The following ASIC5 variants were observed in gnomAD, a reference collection of about 807,000 sequenced individuals.
ASIC5 encodes the protein acid sensing ion channel subunit family member 5.
Under a neutral mutation model 51.2 loss-of-function variants are expected in ASIC5, and 52 were observed. The observed-to-expected ratio is 1.02, with a 90% CI of 0.81 to 1.28. The LOEUF is 1.28. Ranked by LOEUF, ASIC5 falls within the 50% of genes most tolerant of loss-of-function variation. ASIC5 has a pLI of 0.00. For synonymous variants in ASIC5, 231 were observed against 200.7 expected, an observed-to-expected ratio of 1.15 and a Z score of -1.28; for missense variants, 635 against 595.0, an observed-to-expected ratio of 1.07 and a Z score of -0.70.
chr4:155,834,792 A>T (rs1405969532), intron 8 of ASIC5, among the ~76,000 whole-genome samples: 1 of 151,994 alleles, frequency 6.6e-6, no homozygotes, highest in Non-Finnish European at 1.5e-5. Context: ...CCCAAACCCC[A>T]AGCTCCAGAA....
chr4:155,862,037 AG>A (rs1741720704), intron 2 of ASIC5, among the ~76,000 whole-genome samples: 3 of 152,158 alleles, frequency 2.0e-5, no homozygotes, highest in Admixed American at 2.0e-4. Flanking sequence ...TTTTTTCACC[AG>A]TTATGGTTGG....
chr4:155,851,783 C>T (rs1442695768), intron 4 of ASIC5, among the ~76,000 whole-genome samples: 1 of 151,956 alleles, frequency 6.6e-6, no homozygotes, highest in Non-Finnish European at 1.5e-5. Context: ...TCCAGATATG[C>T]ATTCTATAGT....
At chr4:155,853,980 T>A in intron 3 of ASIC5, 97 bp downstream of exon 3, 2 of 918,124 alleles carry the variant, frequency 2.2e-6, no homozygotes, top group Non-Finnish European at 3.4e-6. Context: ...TTTGGATTGA[T>A]TCACCATGGG....
chr4:155,833,581 T>C (rs1157620460), intron 8 of ASIC5, among the ~76,000 whole-genome samples: 1 of 152,190 alleles, frequency 6.6e-6, no homozygotes, highest in Non-Finnish European at 1.5e-5. Flanking sequence ...CCCAAAGTAA[T>C]GGAAAAATAA....
intron 1 of ASIC5, among the ~76,000 whole-genome samples, chr4:155,865,510 G>A (rs1490172038): frequency 6.6e-6 from 1 of 152,110 alleles, no homozygotes; most frequent in Non-Finnish European, 1.5e-5. Flanking sequence ...GAAGACTAAT[G>A]TAGTAACTAG....
chr4:155,861,386 CTT>C (rs796208566), intron 2 of ASIC5, among the ~76,000 whole-genome samples: 4 of 152,078 alleles, frequency 2.6e-5, no homozygotes, highest in East Asian at 1.9e-4. Context: ...TATAGGTTAA[CTT>C]ATATCTCCTG....
At chr4:155,835,412 GAA>G (rs11304781) in intron 8 of ASIC5, among the ~76,000 whole-genome samples, 11,955 of 139,052 alleles carry the variant, frequency 0.086, 590 homozygotes, top group South Asian at 0.17. Context: ...CTGAGTTTTG[GAA>G]AAAAAAAAAA....
intron 2 of ASIC5, among the ~76,000 whole-genome samples, chr4:155,861,289 A>T (rs1741699547): frequency 6.6e-6 from 1 of 151,890 alleles, no homozygotes; most frequent in African/African-American, 2.4e-5. Flanking sequence ...AAGATGTTTA[A>T]GTCTTCTGTG....
intron 8 of ASIC5, among the ~76,000 whole-genome samples, chr4:155,833,124 C>T (rs1029353064): frequency 3.9e-5 from 6 of 152,082 alleles, no homozygotes; most frequent in Admixed American, 1.3e-4. Context: ...TCTCTAATAC[C>T]TAGACGACTC....
chr4:155,856,376 T>C (rs985335), intron 2 of ASIC5, among the ~76,000 whole-genome samples: 18,118 of 152,122 alleles, frequency 0.12, 1,307 homozygotes, highest in Non-Finnish European at 0.16. Flanking sequence ...AGGTAGGGCA[T>C]ACACAAAACA....
intron 1 of ASIC5, chr4:155,864,820 T>C (rs1579304209): frequency 6.6e-6 from 1 of 152,124 alleles, no homozygotes; most frequent in Admixed American, 6.6e-5. Flanking sequence ...ATGTGGTAAA[T>C]AGTAAAATAT....
intron 2 of ASIC5, among the ~76,000 whole-genome samples, chr4:155,861,677 G>T (rs988149787): frequency 2.0e-5 from 3 of 151,924 alleles, no homozygotes; most frequent in African/African-American, 7.2e-5. Flanking sequence ...AATTTCATTA[G>T]TAATATAGTT....
intron 6 of ASIC5, among the ~76,000 whole-genome samples, chr4:155,839,337 C>T (rs985291180): frequency 1.6e-4 from 16 of 103,020 alleles, no homozygotes; most frequent in African/African-American, 5.6e-4. Context: ...ATCCTGCTCC[C>T]TCTATCCATT....
In ASIC5 at chr4:155,836,806, C is replaced by A. The variant is rs142346233; in HGVS notation, c.1118G>T (p.Cys373Phe). ...LCTVGTHNSS[C>F]PVSCEEIEYP... ...TTCTATTTCTTCACAAGAAACGGGGCAGCTAGAGTTATGTGTTCCTACTGT... is the reference window on the plus strand; with the variant it reads ...TTCTATTTCTTCACAAGAAACGGGGAAGCTAGAGTTATGTGTTCCTACTGT... The change falls in exon 8 of 10, where the codon TGC becomes TTC. Residue 373 changes from cysteine to phenylalanine, a missense_variant. Coordinates refer to ENST00000537611, the MANE Select transcript of ASIC5 (RefSeq NM_017419.3). 1 of 1,609,342 alleles carries A rather than the reference C, an allele frequency of 6.2e-7. No homozygotes were observed. The highest frequency in any genetic ancestry group is 2.2e-5 in the East Asian group (1 of 44,782).
At chr4:155,847,041 T>G (rs562234704) in intron 4 of ASIC5, among the ~76,000 whole-genome samples, 3 of 152,160 alleles carry the variant, frequency 2.0e-5, no homozygotes, top group African/African-American at 7.2e-5. Context: ...ATGGTAAATT[T>G]AGTCCTAAAA....
chr4:155,863,832 A>G (rs1419621768), intron 1 of ASIC5, 78 bp from the exon 2 acceptor site: 5 of 1,169,822 alleles, frequency 4.3e-6, no homozygotes, highest in Non-Finnish European at 4.8e-6. Flanking sequence ...AAAAAACACA[A>G]CTCACATAAT....
At chr4:155,842,657 G>C (rs528466534) in intron 5 of ASIC5, among the ~76,000 whole-genome samples, 1 of 152,146 alleles carries the variant, frequency 6.6e-6, no homozygotes, top group East Asian at 1.9e-4. Context: ...TATTAGTGTA[G>C]TAATCAGCTC....
At chr4:155,857,940 A>G (rs1440332588) in intron 2 of ASIC5, among the ~76,000 whole-genome samples, 4 of 152,252 alleles carry the variant, frequency 2.6e-5, no homozygotes, top group East Asian at 1.9e-4. Flanking sequence ...TCTTGCATCA[A>G]ACAAATTTGA....
chr4:155,862,450 T>C (rs926483827), intron 2 of ASIC5, among the ~76,000 whole-genome samples: 3 of 152,126 alleles, frequency 2.0e-5, no homozygotes, highest in African/African-American at 7.2e-5. Context: ...CTAAGAAGGC[T>C]GAGTGACTTC....
Sources: gnomAD v4.1 joint callset for allele counts (sites outside exome capture counted in the v4.1 genomes callset) on GRCh38, gnomAD v4.1.1 for gene constraint, MANE v1.5 for transcripts, NCBI Gene and HGNC (gene_info 2026-07-23, HGNC 2026-07-21) for gene names.